Variants in SATB2 observed in about 807,000 individuals in gnomAD.
The protein encoded by SATB2 is SATB homeobox 2, also known as DNA-binding protein SATB2.
In SATB2, 1 loss-of-function variant was observed where a neutral mutation model predicts 73.4. The ratio of observed to expected loss-of-function variants is 0.01; its 90% CI spans 0.00 to 0.06. The LOEUF is 0.06. Among genes scored for constraint, SATB2 ranks in the 10% least tolerant of loss-of-function variants. The probability of loss-of-function intolerance (pLI) is 1.00; values close to 1 mark genes in which losing one functional copy is unlikely to be tolerated. For synonymous variants in SATB2, 397 were observed against 367.0 expected (o/e 1.08, Z -0.93); for missense variants, 459 against 945.8 (o/e 0.49, Z 6.75).
chr2:199,376,136 C>T (rs529806731), intron 5 of SATB2, among the ~76,000 whole-genome samples: 1 of 152,246 alleles, frequency 6.6e-6, no homozygotes, highest in Admixed American at 6.5e-5. Flanking sequence ...TCCATGATAG[C>T]TGAAAAGAGC....
intron 7 of SATB2, among the ~76,000 whole-genome samples, chr2:199,329,815 G>T (rs578245025): frequency 6.6e-6 from 1 of 152,256 alleles, no homozygotes; most frequent in Non-Finnish European, 1.5e-5. Context: ...TCCAGAAAAG[G>T]GCTGGAGATC....
upstream of SATB2, among the ~76,000 whole-genome samples, chr2:199,461,603 G>A (rs1163084890): frequency 6.6e-6 from 1 of 152,102 alleles, no homozygotes; most frequent in Non-Finnish European, 1.5e-5. Context: ...TTCACATCTG[G>A]GGGACATTTT....
At chr2:199,467,169 T>C (rs895445945), upstream of SATB2, among the ~76,000 whole-genome samples, 18 of 152,378 alleles carry the variant, frequency 1.2e-4, no homozygotes, top group African/African-American at 3.8e-4. Context: ...CTCAGGCCTT[T>C]CTAATACAGG....
intron 3 of SATB2, among the ~76,000 whole-genome samples, chr2:199,405,511 G>C (rs944602757): frequency 6.6e-6 from 1 of 152,146 alleles, no homozygotes; most frequent in African/African-American, 2.4e-5. Flanking sequence ...AGACTAGGGT[G>C]TGTGCCCTGG....
rs1441333823 is a variant in SATB2 at position 199,272,014 on chromosome 2, T to C, written c.*197A>G. The C allele has an allele frequency of 1.6e-6, 1 of 621,496 alleles. No homozygotes were observed. Among genetic ancestry groups the C allele is most frequent in the Non-Finnish European group, 2.8e-6 (1 of 353,174 alleles). The allele number at this position is 621,496 out of a possible 1,614,324, so 38.5% of individuals were successfully genotyped here. ...GTCTGATTCGGAAATACTGAACTTA[T>C]TCAGTCTATAGGTGTATCCTGTGCA... On this transcript the variant is annotated 3_prime_UTR_variant, in exon 11 of 11. Coordinates refer to ENST00000417098, the MANE Select transcript of SATB2 (RefSeq NM_001172509.2). This position sits in a 1 kb window ranked among gnomAD's most constrained non-coding sequence, Gnocchi z 6.7.
rs563325733 is a variant in SATB2, at chr2:199,407,104, T to A, written c.347-25284A>T. Among the ~76,000 whole-genome samples, 35 of 152,066 alleles carry A rather than the reference T, an allele frequency of 2.3e-4. No homozygotes were observed. In the East Asian group the frequency reaches 6.4e-3, roughly 28 times the overall value. ...GGGAGGATGAGGTGGGCAGATCACT[T>A]GAGGTCAGGAGTTCAGGACCAACCT... On this transcript the variant is annotated intron_variant, in intron 3 of 10. Transcript: ENST00000417098.
chr2:199,278,389 T>A (rs1692382785), intron 10 of SATB2, among the ~76,000 whole-genome samples: 1 of 152,328 alleles, frequency 6.6e-6, no homozygotes, highest in Admixed American at 6.5e-5. Context: ...CTCAGTCACA[T>A]CAGCCACATT....
At chr2:199,452,662 A>T (rs1692160372) in intron 2 of SATB2, among the ~76,000 whole-genome samples, 2 of 152,154 alleles carry the variant, frequency 1.3e-5, no homozygotes, top group African/African-American at 4.8e-5. Flanking sequence ...CGCCAATTCT[A>T]GTAAGTGAAT....
intron 2 of SATB2, among the ~76,000 whole-genome samples, chr2:199,448,031 T>G (rs1316387158): frequency 6.6e-6 from 1 of 152,196 alleles, no homozygotes; most frequent in Non-Finnish European, 1.5e-5. Flanking sequence ...CAAGTCATTT[T>G]CTTTTACTAC....
intron 7 of SATB2, among the ~76,000 whole-genome samples, chr2:199,344,344 C>A (rs1688590500): frequency 6.6e-6 from 1 of 152,214 alleles, no homozygotes; most frequent in Admixed American, 6.6e-5. Flanking sequence ...TAGTATGCAA[C>A]AGACTTTCTC....
At position 199,348,550 on chromosome 2, in the gene SATB2, T is replaced by C. The variant is rs1367429387; in HGVS notation, c.1173+151A>G. ...ATCATGGTCATGCATGGATCAATGG[T>C]AATAGCGTTTCATTAACTAAGGATT... is the stretch of plus-strand genomic sequence containing the variant. On this transcript the variant is annotated intron_variant, in intron 7 of 10. Transcript: ENST00000417098. The C allele has an allele frequency of 5.1e-5, 36 of 709,384 alleles. No homozygotes were observed. In the East Asian group the frequency reaches 9.7e-4, roughly 19 times the overall value. The allele number at this position is 709,384 out of a possible 1,614,324, so 43.9% of individuals were successfully genotyped here.
At chr2:199,330,497 C>G (rs1688158875) in intron 7 of SATB2, among the ~76,000 whole-genome samples, 1 of 151,984 alleles carries the variant, frequency 6.6e-6, no homozygotes, top group African/African-American at 2.4e-5. Flanking sequence ...CATGCATGCC[C>G]AAGAAGGGGA....
chr2:199,289,739 C>A (rs944470253), intron 10 of SATB2, among the ~76,000 whole-genome samples: 4 of 152,156 alleles, frequency 2.6e-5, no homozygotes, highest in African/African-American at 9.7e-5. Context: ...CCAAGACCAA[C>A]CCCCCAGGTT....
intron 10 of SATB2, among the ~76,000 whole-genome samples, chr2:199,279,643 G>T (rs1692421683): frequency 6.6e-6 from 1 of 152,178 alleles, no homozygotes; most frequent in South Asian, 2.1e-4. Flanking sequence ...TCTATGACAA[G>T]CCTCACCCAA....
chr2:199,419,593 G>A (rs557684322), intron 3 of SATB2, among the ~76,000 whole-genome samples: 26 of 152,232 alleles, frequency 1.7e-4, no homozygotes, highest in Admixed American at 1.2e-3. Flanking sequence ...AAGCAGTGCC[G>A]CCTGGGAACG....
intron 6 of SATB2, among the ~76,000 whole-genome samples, chr2:199,357,860 T>C (rs1187326262): frequency 6.6e-6 from 1 of 152,134 alleles, no homozygotes; most frequent in African/African-American, 2.4e-5. Context: ...AGGTACCCTA[T>C]AAATTCTATA....
At chr2:199,330,861 G>C (rs984029446) in intron 7 of SATB2, among the ~76,000 whole-genome samples, 8 of 152,060 alleles carry the variant, frequency 5.3e-5, no homozygotes, top group Middle Eastern at 3.2e-3. Context: ...TGCATATAAA[G>C]GATGAGTTGG....
At chr2:199,451,091 AACACACACAC>A (rs56071011) in intron 2 of SATB2, among the ~76,000 whole-genome samples, 103 of 139,292 alleles carry the variant, frequency 7.4e-4, no homozygotes, top group African/African-American at 1.0e-3. Flanking sequence ...ATGTAGTTCC[AACACACACAC>A]ACACACACAC....
rs758472659 is a variant in SATB2, at chr2:199,381,738, T to C, written c.429A>G (p.Leu143=). The C allele has an allele frequency of 1.9e-6, 3 of 1,614,124 alleles. No individual in the cohort carries two copies. The highest frequency in any genetic ancestry group is 1.7e-6 in the Non-Finnish European group (2 of 1,179,974). ...ACGTCACAACATGATAGACATCTTGTAGCATGTCGGCCACTGTCGCGTCGG... is the reference window on the plus strand; with the variant it reads ...ACGTCACAACATGATAGACATCTTGCAGCATGTCGGCCACTGTCGCGTCGG... ...DAPDATVADM[L]QDVYHVVTLK... Residue 143 remains leucine, a synonymous_variant, in exon 4 of 11, where the codon CTA becomes CTG. Transcript: ENST00000417098.
Sources: gnomAD v4.1 joint callset for allele counts (sites outside exome capture counted in the v4.1 genomes callset) on GRCh38, gnomAD v4.1.1 for gene constraint, Gnocchi (gnomAD v3.1) non-coding constraint, MANE v1.5 for transcripts, NCBI Gene and HGNC (gene_info 2026-07-23, HGNC 2026-07-21) for gene names.